The following ANKRD61 variants were observed in gnomAD, a reference collection of about 807,000 sequenced individuals.
ANKRD61 encodes ankyrin repeat domain 61.
A neutral mutation model predicts 8.4 loss-of-function variants in ANKRD61; 7 were observed. The ratio of observed to expected loss-of-function variants is 0.84; its 90% CI spans 0.48 to 1.57. The LOEUF (loss-of-function observed/expected upper bound fraction) is 1.57, where lower values mean the gene tolerates loss of function less well. ANKRD61 is among the 40% of genes most tolerant of loss of function. The probability of loss-of-function intolerance (pLI) is 0.00; values close to 1 mark genes in which losing one functional copy is unlikely to be tolerated. For missense variants in ANKRD61, 516 were observed against 523.4 expected (o/e 0.99, Z 0.14); for synonymous variants, 198 against 208.0 (o/e 0.95, Z 0.41).
intron 1 of ANKRD61, 143 bp downstream of exon 1, chr7:6,031,734 T>G: frequency 5.1e-6 from 4 of 787,870 alleles, no homozygotes; most frequent in Non-Finnish European, 6.0e-6. Flanking sequence ...CACACTGCAG[T>G]GCTCCCCAAA....
chr7:6,036,246 C>T lies in ANKRD61; in HGVS notation c.1117C>T (p.Pro373Ser). ...CACCCTAATAAAGCAATCGCAAAAA[C>T]CTTTATCCCTACAGGGTATCTGCAA... ...RDTLIKQSQK[P>S]LSLQGICKRN... is the part of the protein sequence containing the mutation. Residue 373 changes from proline to serine, a missense_variant, in exon 3 of 3, where the codon CCT becomes TCT. By Grantham distance (74) the Pro-to-Ser change is moderately conservative. Coordinates refer to ENST00000409061, the MANE Select transcript of ANKRD61 (RefSeq NM_001271700.2). This position sits in a 1 kb window ranked among gnomAD's most constrained non-coding sequence, Gnocchi z 4.6. 2 of 1,550,200 alleles carry T rather than the reference C, an allele frequency of 1.3e-6. No individual in the cohort carries two copies. Among genetic ancestry groups the T allele is most frequent in the Non-Finnish European group, 1.7e-6 (2 of 1,146,906 alleles).
intron 2 of ANKRD61, among the ~76,000 whole-genome samples, chr7:6,034,175 C>T (rs1276823735): frequency 2.0e-5 from 3 of 151,848 alleles, no homozygotes; most frequent in East Asian, 2.0e-4. Context: ...GGCGTGGTGG[C>T]GGGCGCCTGT....
chr7:6,036,164 T>C lies in ANKRD61; in HGVS notation c.1035T>C (p.Asn345=), dbSNP rs1788083346. The change falls in exon 3 of 3, where the codon AAT becomes AAC. Residue 345 remains asparagine (N), a synonymous_variant. Transcript: ENST00000409061. The surrounding 1 kb of genome is among the most constrained non-coding windows in gnomAD (Gnocchi z 4.6). Reference sequence around the variant, plus strand: ...ACACTTATCCTCTGAGAATGACCAATAACCAAGGAATTCTACCTGCAGGAA... The same window carrying C: ...ACACTTATCCTCTGAGAATGACCAACAACCAAGGAATTCTACCTGCAGGAA... ...LYHTYPLRMT[N]NQGILPAGIM... 6 of 1,550,038 alleles carry C rather than the reference T, an allele frequency of 3.9e-6. No homozygotes were observed. In the East Asian group the frequency reaches 1.5e-4, roughly 38 times the overall value.
chr7:6,033,170 T>C lies in ANKRD61; in HGVS notation c.314+234T>C, dbSNP rs1787966591. ...TTTTAGTAGAGACAGGGTTTCACCA[T>C]GTTGGCCAGGCTGGTCTTGAACTCC... On this transcript the variant is annotated intron_variant, in intron 2 of 2. Coordinates refer to ENST00000409061, the MANE Select transcript of ANKRD61 (RefSeq NM_001271700.2). This position sits in a 1 kb window ranked among gnomAD's most constrained non-coding sequence, Gnocchi z 4.4. 6.6e-6 allele frequency among the ~76,000 whole-genome samples: 1 copy of C among 152,158 alleles called. No homozygotes were observed. Among genetic ancestry groups the C allele is most frequent in the South Asian group, 2.1e-4 (1 of 4,826 alleles).
At chr7:6,034,232 G>C (rs534949835) in intron 2 of ANKRD61, among the ~76,000 whole-genome samples, 2 of 152,016 alleles carry the variant, frequency 1.3e-5, no homozygotes, top group Non-Finnish European at 2.9e-5. Flanking sequence ...GCTTGAACCC[G>C]TGAGGCAGCA....
chr7:6,036,532 A>G lies in ANKRD61; in HGVS notation c.*146A>G, dbSNP rs994604170. 12 of 510,134 alleles carry G rather than the reference A, an allele frequency of 2.4e-5. No homozygotes were observed. The highest frequency in any genetic ancestry group is 3.8e-5 in the Non-Finnish European group (12 of 317,574). 31.6% of individuals were successfully genotyped at this position (510,134 alleles called of 1,614,324 possible). On this transcript the variant is annotated 3_prime_UTR_variant, in exon 3 of 3. Coordinates refer to ENST00000409061, the MANE Select transcript of ANKRD61 (RefSeq NM_001271700.2). The surrounding 1 kb of genome is among the most constrained non-coding windows in gnomAD (Gnocchi z 4.6). ...CTGATTCTTGAACATGTTCCAAAAT[A>G]CAAAGTGATTTGTCTATTAACATTT... is the stretch of plus-strand genomic sequence containing the variant.
chr7:6,035,375 C>A lies in ANKRD61; in HGVS notation c.315-69C>A. The A allele has an allele frequency of 7.3e-7, 1 of 1,368,482 alleles. No homozygotes were observed. The highest frequency in any genetic ancestry group is 1.0e-6 in the Non-Finnish European group (1 of 1,001,370). 84.8% of individuals were successfully genotyped at this position (1,368,482 alleles called of 1,614,324 possible). A position where few individuals can be genotyped will look rare whatever the true frequency, so the allele number is the denominator to read the frequency against. ...TTTAAATAAATACTGGCTTCTTAAG[C>A]ATTAACTGTCCACGTAGAGCCGTTC... On this transcript the variant is annotated intron_variant, in intron 2 of 2. Coordinates refer to ENST00000409061, the MANE Select transcript of ANKRD61 (RefSeq NM_001271700.2). This position sits in a 1 kb window ranked among gnomAD's most constrained non-coding sequence, Gnocchi z 5.5.
In ANKRD61 at chr7:6,033,109, C is replaced by CA. The variant is rs944714045; in HGVS notation, c.314+174dup. ...TCAGCCTCCCGAGTAGCTGGGATTA[C>CA]AGGTGTGCGTCACCATGCCCAGCTA... On this transcript the variant is annotated intron_variant, in intron 2 of 2. Coordinates refer to ENST00000409061, the MANE Select transcript of ANKRD61 (RefSeq NM_001271700.2). This position sits in a 1 kb window ranked among gnomAD's most constrained non-coding sequence, Gnocchi z 4.4. 5.3e-5 allele frequency among the ~76,000 whole-genome samples: 8 copies of CA among 152,126 alleles called. No homozygotes were observed. The highest frequency in any genetic ancestry group is 8.8e-5 in the Non-Finnish European group (6 of 68,022).
At position 6,035,907 on chromosome 7, in the gene ANKRD61, T is replaced by A; in HGVS notation, c.778T>A (p.Cys260Ser). 2.6e-6 allele frequency: 4 copies of A among 1,546,662 alleles called. No individual in the cohort carries two copies. Among genetic ancestry groups the A allele is most frequent in the Non-Finnish European group, 3.5e-6 (4 of 1,144,502 alleles). Residue 260 changes from cysteine to serine, a missense_variant, in exon 3 of 3, where the codon TGC becomes AGC. By Grantham distance (112) the Cys-to-Ser change is moderately radical (BLOSUM62 -1). Transcript: ENST00000409061. The surrounding 1 kb of genome is among the most constrained non-coding windows in gnomAD (Gnocchi z 5.5). Reference protein sequence around the residue: ...AGRLLGAGVSCIRLLLTHGAK... With the variant: ...AGRLLGAGVSSIRLLLTHGAK... ...CCGACTCCTCGGGGCGGGGGTCAGC[T>A]GCATCCGTCTGCTACTCACTCACGG...
rs201507693 is a variant in ANKRD61 at position 6,032,031 on chromosome 7, G to A, written c.216+440G>A. Among the ~76,000 whole-genome samples, 4 of 152,132 alleles carry A rather than the reference G, an allele frequency of 2.6e-5. No homozygotes were observed. Among genetic ancestry groups the A allele is most frequent in the South Asian group, 2.1e-4 (1 of 4,820 alleles). ...TCTACTAAAAATACAAAAATTAGCCGGGCTTGGTGGCAGGAGCCTGTAATC... is the reference window on the plus strand; with the variant it reads ...TCTACTAAAAATACAAAAATTAGCCAGGCTTGGTGGCAGGAGCCTGTAATC... On this transcript the variant is annotated intron_variant, in intron 1 of 2. Coordinates refer to ENST00000409061, the MANE Select transcript of ANKRD61 (RefSeq NM_001271700.2). The surrounding 1 kb of genome is among the most constrained non-coding windows in gnomAD (Gnocchi z 4.3).
At chr7:6,034,700 T>G (rs1255042668) in intron 2 of ANKRD61, among the ~76,000 whole-genome samples, 1 of 152,238 alleles carries the variant, frequency 6.6e-6, no homozygotes. Context: ...AAAATCATTT[T>G]CTAATTTCAG....
At chr7:6,034,792 G>A (rs888398558) in intron 2 of ANKRD61, among the ~76,000 whole-genome samples, 2 of 152,088 alleles carry the variant, frequency 1.3e-5, no homozygotes, top group African/African-American at 4.8e-5. Flanking sequence ...CTGAGATGAG[G>A]GCCAAGTTGT....
At position 6,033,127 on chromosome 7, in the gene ANKRD61, C is replaced by A. The variant is rs1204038285; in HGVS notation, c.314+191C>A. On this transcript the variant is annotated intron_variant, in intron 2 of 2. Coordinates refer to ENST00000409061, the MANE Select transcript of ANKRD61 (RefSeq NM_001271700.2). The surrounding 1 kb of genome is among the most constrained non-coding windows in gnomAD (Gnocchi z 4.4). The stretch of plus-strand genomic sequence containing the variant: ...GGGATTACAGGTGTGCGTCACCATG[C>A]CCAGCTAACATTTGTATTTTTAGTA... Among the ~76,000 whole-genome samples the A allele has an allele frequency of 6.6e-6, 1 of 152,072 alleles. No homozygotes were observed. Among genetic ancestry groups the A allele is most frequent in the Non-Finnish European group, 1.5e-5 (1 of 68,018 alleles).
chr7:6,035,591 G>A lies in ANKRD61; in HGVS notation c.462G>A (p.Ala154=), dbSNP rs1005269429. ...TCACATGTCTCCGCATCTTGTGTGC[G>A]CACGGAGCTCAAGTGAACACTCAAG... ...SSITCLRILC[A]HGAQVNTQGE... is the part of the protein sequence containing the mutation. The change falls in exon 3 of 3, where the codon GCG becomes GCA. Residue 154 remains alanine, a synonymous_variant. Coordinates refer to ENST00000409061, the MANE Select transcript of ANKRD61 (RefSeq NM_001271700.2). The surrounding 1 kb of genome is among the most constrained non-coding windows in gnomAD (Gnocchi z 5.5). 1.2e-5 allele frequency: 18 copies of A among 1,550,884 alleles called. No individual in the cohort carries two copies. The highest frequency in any genetic ancestry group is 3.9e-5 in the Admixed American group (2 of 50,960).
In ANKRD61 at chr7:6,032,227, T is replaced by G. The variant is rs1490088331; in HGVS notation, c.217-612T>G. Among the ~76,000 whole-genome samples, 1 of 152,128 alleles carries G rather than the reference T, an allele frequency of 6.6e-6. No homozygotes were observed. Among genetic ancestry groups the G allele is most frequent in the Non-Finnish European group, 1.5e-5 (1 of 68,010 alleles). On this transcript the variant is annotated intron_variant, in intron 1 of 2. Transcript: ENST00000409061. This position sits in a 1 kb window ranked among gnomAD's most constrained non-coding sequence, Gnocchi z 4.3. ...CCCTTTTTAATATATACATTTTCAT[T>G]TTCTAAATTTTTATACAATGATTAT...
In ANKRD61 at chr7:6,036,110, T is replaced by TA. The variant is rs1788080566; in HGVS notation, c.982dup (p.Thr328AsnfsTer19). 18 of 1,550,848 alleles carry TA rather than the reference T, an allele frequency of 1.2e-5. No individual in the cohort carries two copies. The highest frequency in any genetic ancestry group is 1.6e-5 in the Non-Finnish European group (18 of 1,147,068). The stretch of plus-strand genomic sequence containing the variant: ...TTCAGCGCAGTTGCAATGTAAGAGA[T>TA]ACGGCACTTCTGGCCAGGCTACTTT... On this transcript the variant is annotated frameshift_variant, in exon 3 of 3. Transcript: ENST00000409061. LOFTEE classifies it low-confidence loss of function (END_TRUNC). This position sits in a 1 kb window ranked among gnomAD's most constrained non-coding sequence, Gnocchi z 4.6.
Position 6,035,144 on chromosome 7 carries a change from C to T in ANKRD61, c.315-300C>T, listed in dbSNP as rs1451815232. Among the ~76,000 whole-genome samples, 9 of 151,854 alleles carry T rather than the reference C, an allele frequency of 5.9e-5. No homozygotes were observed. The highest frequency in any genetic ancestry group is 6.8e-3 in the Middle Eastern group (2 of 294). ...ACGGCACAGGTAAAACAGGCTGCTC[C>T]AAGAAGCTGGGCCTTCTTCACAACA... is the stretch of plus-strand genomic sequence containing the variant. On this transcript the variant is annotated intron_variant, in intron 2 of 2. Transcript: ENST00000409061. The surrounding 1 kb of genome is among the most constrained non-coding windows in gnomAD (Gnocchi z 5.5).
chr7:6,033,967 A>G lies in ANKRD61; in HGVS notation c.314+1031A>G, dbSNP rs2128886981. 6.6e-6 allele frequency among the ~76,000 whole-genome samples: 1 copy of G among 152,042 alleles called. No individual in the cohort carries two copies. The highest frequency in any genetic ancestry group is 1.9e-4 in the East Asian group (1 of 5,146). On this transcript the variant is annotated intron_variant, in intron 2 of 2. Transcript: ENST00000409061. The surrounding 1 kb of genome is among the most constrained non-coding windows in gnomAD (Gnocchi z 4.4). ...CACTGTATCTCCAGCACCTCAACCAAATCAATGCCTGACACTTAGCACGTG... is the reference window on the plus strand; with the variant it reads ...CACTGTATCTCCAGCACCTCAACCAGATCAATGCCTGACACTTAGCACGTG...
rs1230541692 is a variant in ANKRD61, at chr7:6,035,208, T to A, written c.315-236T>A. ...AAAATAATTTTTCAAAAAAAAAAAT[T>A]ATATATACATAAAATGAAGCTAGGC... On this transcript the variant is annotated intron_variant, in intron 2 of 2. Coordinates refer to ENST00000409061, the MANE Select transcript of ANKRD61 (RefSeq NM_001271700.2). This position sits in a 1 kb window ranked among gnomAD's most constrained non-coding sequence, Gnocchi z 5.5. Among the ~76,000 whole-genome samples, 1 of 152,070 alleles carries A rather than the reference T, an allele frequency of 6.6e-6. No homozygotes were observed. The highest frequency in any genetic ancestry group is 1.5e-5 in the Non-Finnish European group (1 of 67,998).
Sources: allele counts gnomAD v4.1 joint callset (sites outside exome capture counted in the v4.1 genomes callset), GRCh38; gene constraint gnomAD v4.1.1; non-coding constraint Gnocchi (gnomAD v3.1); transcripts MANE v1.5; gene names NCBI Gene and HGNC (gene_info 2026-07-23, HGNC 2026-07-21).